CFAP299: variants seen among roughly 807,000 people sequenced by gnomAD.
CFAP299 encodes cilia and flagella associated protein 299.
CFAP299 carries 21 observed loss-of-function variants against 27.0 expected under a neutral mutation model. The ratio of observed to expected loss-of-function variants is 0.78; its 90% CI spans 0.55 to 1.12. The LOEUF is 1.12. CFAP299 is among the 50% of genes most tolerant of loss of function. The pLI is 0.00. For missense variants in CFAP299, 310 were observed against 276.6 expected (o/e 1.12, Z -0.86); for synonymous variants, 104 against 98.1 (o/e 1.06, Z -0.36).
At chr4:80,924,494 T>C (rs1251413378) in intron 4 of CFAP299, among the ~76,000 whole-genome samples, 2 of 149,774 alleles carry the variant, frequency 1.3e-5, no homozygotes, top group African/African-American at 4.9e-5. Flanking sequence ...CTATAATACA[T>C]AATCGTGTGA....
At chr4:80,903,418 A>T (rs1735026029) in intron 4 of CFAP299, among the ~76,000 whole-genome samples, 1 of 152,072 alleles carries the variant, frequency 6.6e-6, no homozygotes, top group Admixed American at 6.6e-5. Flanking sequence ...AATCTGAAAA[A>T]AATTTTAATA....
At chr4:80,473,380 C>T (rs1373951848) in intron 2 of CFAP299, among the ~76,000 whole-genome samples, 8 of 151,980 alleles carry the variant, frequency 5.3e-5, no homozygotes. Context: ...ATTATTCCTT[C>T]CCAAGTGGTC....
intron 4 of CFAP299, among the ~76,000 whole-genome samples, chr4:80,923,700 G>A (rs993203741): frequency 6.6e-6 from 1 of 151,900 alleles, no homozygotes; most frequent in African/African-American, 2.4e-5. Flanking sequence ...AAATCATTTT[G>A]TTGCCCTCTA....
At chr4:80,419,335 T>C (rs1428781134) in intron 2 of CFAP299, among the ~76,000 whole-genome samples, 2 of 152,196 alleles carry the variant, frequency 1.3e-5, no homozygotes, top group Admixed American at 6.5e-5. Flanking sequence ...ACATGCGCAG[T>C]GGCCTGCTAG....
chr4:80,647,499 A>C (rs186859382), intron 3 of CFAP299, among the ~76,000 whole-genome samples: 1 of 152,260 alleles, frequency 6.6e-6, no homozygotes, highest in African/African-American at 2.4e-5. Context: ...AAAGTCTCTG[A>C]ATCTGTGCCT....
intron 2 of CFAP299, among the ~76,000 whole-genome samples, chr4:80,537,550 G>A (rs1205342681): frequency 6.6e-6 from 1 of 152,120 alleles, no homozygotes; most frequent in African/African-American, 2.4e-5. Context: ...GGATGAACCA[G>A]AAGGGCATTA....
intron 3 of CFAP299, among the ~76,000 whole-genome samples, chr4:80,861,174 A>T (rs1187801667): frequency 6.6e-6 from 1 of 152,148 alleles, no homozygotes; most frequent in African/African-American, 2.4e-5. Context: ...CTGCTATGCT[A>T]GCAATCAGCG....
intron 2 of CFAP299, among the ~76,000 whole-genome samples, chr4:80,441,667 C>A (rs1040456357): frequency 2.6e-5 from 4 of 152,180 alleles, no homozygotes; most frequent in African/African-American, 9.7e-5. Context: ...AAATCACCAG[C>A]TAGCATCATA....
intron 3 of CFAP299, among the ~76,000 whole-genome samples, chr4:80,657,500 C>T (rs1451212799): frequency 1.3e-5 from 2 of 151,646 alleles, no homozygotes; most frequent in African/African-American, 4.8e-5. Flanking sequence ...TTCCCCATTG[C>T]TTTTTTTTGT....
intron 4 of CFAP299, among the ~76,000 whole-genome samples, chr4:80,886,349 G>C (rs1467695647): frequency 6.6e-6 from 1 of 152,220 alleles, no homozygotes; most frequent in Non-Finnish European, 1.5e-5. Flanking sequence ...ACCCAGCACA[G>C]TTCCAATGAT....
chr4:80,555,239 T>A (rs1272898189), intron 2 of CFAP299, among the ~76,000 whole-genome samples: 1 of 152,120 alleles, frequency 6.6e-6, no homozygotes, highest in Non-Finnish European at 1.5e-5. Flanking sequence ...GCCTTTTCTG[T>A]GTCTATTGAA....
chr4:80,341,863 TAATG>T (rs1722475823), intron 1 of CFAP299, among the ~76,000 whole-genome samples: 1 of 152,106 alleles, frequency 6.6e-6, no homozygotes, highest in Non-Finnish European at 1.5e-5. Flanking sequence ...AGTTGGGTAA[TAATG>T]AGCTTTGCTG....
At chr4:80,584,033 G>A (rs1395547511) in intron 3 of CFAP299, among the ~76,000 whole-genome samples, 1 of 151,894 alleles carries the variant, frequency 6.6e-6, no homozygotes, top group African/African-American at 2.4e-5. Flanking sequence ...GTAGTTCAGA[G>A]AGAGAAAAAA....
chr4:80,958,457 G>T (rs899217929), intron 5 of CFAP299, among the ~76,000 whole-genome samples: 1 of 152,030 alleles, frequency 6.6e-6, no homozygotes, highest in Non-Finnish European at 1.5e-5. Flanking sequence ...GACTCAATAA[G>T]AATTTCTGAG....
intron 2 of CFAP299, among the ~76,000 whole-genome samples, chr4:80,538,969 T>G (rs6813764): frequency 6.6e-6 from 1 of 152,040 alleles, no homozygotes; most frequent in Non-Finnish European, 1.5e-5. Flanking sequence ...GGTTTTTAGT[T>G]GGCTTTCCAG....
At chr4:80,739,406 T>C (rs180824873) in intron 3 of CFAP299, among the ~76,000 whole-genome samples, 7 of 152,288 alleles carry the variant, frequency 4.6e-5, no homozygotes, top group Admixed American at 4.6e-4. Context: ...TGATGTTTGA[T>C]GGATATTTTC....
intron 4 of CFAP299, among the ~76,000 whole-genome samples, chr4:80,927,438 T>C (rs1285362209): frequency 6.6e-6 from 1 of 152,126 alleles, no homozygotes; most frequent in Middle Eastern, 3.2e-3. Context: ...ATTGGTTTCC[T>C]ACTGCTAAGT....
intron 4 of CFAP299, among the ~76,000 whole-genome samples, chr4:80,919,169 T>A (rs1183896793): frequency 6.6e-6 from 1 of 152,156 alleles, no homozygotes; most frequent in Non-Finnish European, 1.5e-5. Flanking sequence ...CATTTAGTTC[T>A]AAATATTAGT....
intron 2 of CFAP299, chr4:80,386,949 C>T (rs1257197273): frequency 3.3e-6 from 3 of 897,280 alleles, no homozygotes; most frequent in African/African-American, 1.6e-5. Context: ...GTAATGCACC[C>T]GCCGGGAGGA....
Sources: gnomAD v4.1 joint callset for allele counts (sites outside exome capture counted in the v4.1 genomes callset) on GRCh38, gnomAD v4.1.1 for gene constraint, MANE v1.5 for transcripts, NCBI Gene and HGNC (gene_info 2026-07-23, HGNC 2026-07-21) for gene names.